PDZRN3: variants seen among roughly 807,000 people sequenced by gnomAD.
PDZRN3 encodes the protein PDZ domain containing ring finger 3.
Under a neutral mutation model 85.7 loss-of-function variants are expected in PDZRN3, and 38 were observed. The ratio of observed to expected loss-of-function variants is 0.44; its 90% CI spans 0.34 to 0.58. The LOEUF is 0.58. Among genes scored for constraint, PDZRN3 ranks in the 20% least tolerant of loss-of-function variants. PDZRN3 has a pLI of 0.01. For synonymous variants in PDZRN3, 759 were observed against 638.0 expected (o/e 1.19, Z -2.86); for missense variants, 1,629 against 1,506.4 (o/e 1.08, Z -1.35).
At chr3:73,391,343 T>G (rs1701523725) in intron 5 of PDZRN3, among the ~76,000 whole-genome samples, 1 of 152,220 alleles carries the variant, frequency 6.6e-6, no homozygotes, top group South Asian at 2.1e-4. Flanking sequence ...AAATAGTTAT[T>G]TCATTGATCC....
chr3:73,466,282 CA>C (rs1428108145), intron 3 of PDZRN3, among the ~76,000 whole-genome samples: 2 of 150,188 alleles, frequency 1.3e-5, no homozygotes, highest in African/African-American at 4.9e-5. Context: ...TCTCCCCAAA[CA>C]AATGCAGTTA....
chr3:73,600,680 G>C (rs1226636851), intron 3 of PDZRN3, among the ~76,000 whole-genome samples: 1 of 152,110 alleles, frequency 6.6e-6, no homozygotes, highest in East Asian at 1.9e-4. Flanking sequence ...CCCAGCTGTA[G>C]ATTTCTCATT....
intron 3 of PDZRN3, among the ~76,000 whole-genome samples, chr3:73,565,117 A>ATTTTTT (rs202184460): frequency 7.2e-6 from 1 of 138,946 alleles, no homozygotes; most frequent in Non-Finnish European, 1.5e-5. Context: ...ATATCCACCA[A>ATTTTTT]TTTTTTTTTT....
At chr3:73,494,717 T>A (rs966237113) in intron 3 of PDZRN3, among the ~76,000 whole-genome samples, 7 of 152,250 alleles carry the variant, frequency 4.6e-5, no homozygotes, top group African/African-American at 1.7e-4. Flanking sequence ...TGCCTGCCTA[T>A]GATCTTTTTC....
intron 3 of PDZRN3, chr3:73,569,125 C>T: frequency 8.0e-7 from 1 of 1,256,738 alleles, no homozygotes; most frequent in Non-Finnish European, 1.0e-6. Context: ...CTAAATCACA[C>T]ACCCCTTTTC....
intron 3 of PDZRN3, among the ~76,000 whole-genome samples, chr3:73,499,474 C>G (rs775271926): frequency 6.6e-6 from 1 of 152,120 alleles, no homozygotes. Context: ...GTCCTTACAC[C>G]AACTCACCAC....
chr3:73,479,570 TTG>T (rs1703522359), intron 3 of PDZRN3, among the ~76,000 whole-genome samples: 1 of 152,190 alleles, frequency 6.6e-6, no homozygotes, highest in Admixed American at 6.5e-5. Context: ...CAATCACGAT[TTG>T]TGCTGGCACA....
intron 3 of PDZRN3, among the ~76,000 whole-genome samples, chr3:73,463,328 T>C (rs895757242): frequency 2.6e-5 from 4 of 152,192 alleles, no homozygotes; most frequent in South Asian, 2.1e-4. Flanking sequence ...GGTTACTTAC[T>C]CTGAAAAGGT....
chr3:73,540,278 G>C (rs1037478127), intron 3 of PDZRN3, among the ~76,000 whole-genome samples: 9 of 151,962 alleles, frequency 5.9e-5, no homozygotes, highest in Non-Finnish European at 1.3e-4. Context: ...TTATGAATGG[G>C]TATTTCACAT....
chr3:73,575,402 A>G (rs1198166105), intron 3 of PDZRN3, among the ~76,000 whole-genome samples: 2 of 152,168 alleles, frequency 1.3e-5, no homozygotes, highest in African/African-American at 4.8e-5. Flanking sequence ...AGCTCAGTGA[A>G]GCACCACACA....
intron 3 of PDZRN3, among the ~76,000 whole-genome samples, chr3:73,460,400 G>C (rs996695216): frequency 3.9e-5 from 6 of 152,114 alleles, no homozygotes; most frequent in African/African-American, 1.4e-4. Flanking sequence ...AGTCAGTACA[G>C]ACCCAATCAG....
rs1170059452 is a variant in PDZRN3 at position 73,384,476 on chromosome 3, A to T, written c.2090T>A (p.Leu697Gln). 6.2e-7 allele frequency: 1 copy of T among 1,613,370 alleles called. No homozygotes were observed. Among genetic ancestry groups the T allele is most frequent in the East Asian group, 2.2e-5 (1 of 44,872 alleles). The change falls in exon 10 of 10, where the codon CTG (leucine) becomes CAG (glutamine). Residue 697 changes from leucine to glutamine, a missense_variant. Transcript: ENST00000263666. Reference sequence around the variant, plus strand: ...GGCGCGCACGATGCTCAGGCACTCCAGCTCGATGCTGCGCAGCTCTTCGTT... The same window carrying T: ...GGCGCGCACGATGCTCAGGCACTCCTGCTCGATGCTGCGCAGCTCTTCGTT... ...LLNEELRSIE[L>Q]ECLSIVRAHK...
chr3:73,544,234 T>C (rs1314316045), intron 3 of PDZRN3, among the ~76,000 whole-genome samples: 1 of 152,234 alleles, frequency 6.6e-6, no homozygotes, highest in African/African-American at 2.4e-5. Flanking sequence ...TAAAGTTTTG[T>C]GTGCTTATCC....
chr3:73,427,669 G>T (rs1702345321), intron 3 of PDZRN3, among the ~76,000 whole-genome samples: 1 of 152,194 alleles, frequency 6.6e-6, no homozygotes, highest in Non-Finnish European at 1.5e-5. Context: ...AGAGACCAGG[G>T]ATATGGACTC....
intron 3 of PDZRN3, among the ~76,000 whole-genome samples, chr3:73,458,800 G>A (rs1186047672): frequency 6.6e-6 from 1 of 151,550 alleles, no homozygotes. Context: ...GACCAGCATG[G>A]CCAATATGGT....
intron 3 of PDZRN3, among the ~76,000 whole-genome samples, chr3:73,539,824 T>C (rs1704872596): frequency 6.6e-6 from 1 of 152,108 alleles, no homozygotes; most frequent in Non-Finnish European, 1.5e-5. Flanking sequence ...TTATTCCTGC[T>C]AGGTATAGCT....
intron 3 of PDZRN3, among the ~76,000 whole-genome samples, chr3:73,600,520 T>A (rs548845551): frequency 6.6e-6 from 1 of 152,266 alleles, no homozygotes; most frequent in East Asian, 1.9e-4. Context: ...CAATTATACA[T>A]ATATCGTTTC....
At chr3:73,533,469 T>A (rs773859298) in intron 3 of PDZRN3, among the ~76,000 whole-genome samples, 11 of 152,222 alleles carry the variant, frequency 7.2e-5, no homozygotes, top group Admixed American at 1.3e-4. Context: ...ATCTTTTTTT[T>A]ATTTTGAACT....
rs143163268 is a variant in PDZRN3 at position 73,444,059 on chromosome 3, A to G, written c.919-39664T>C. Among the ~76,000 whole-genome samples the G allele has an allele frequency of 3.3e-5, 5 of 152,226 alleles. No individual in the cohort carries two copies. The East Asian group carries it at 9.7e-4, about 29-fold the overall frequency. On this transcript the variant is annotated intron_variant, in intron 3 of 9. Coordinates refer to ENST00000263666, the MANE Select transcript of PDZRN3 (RefSeq NM_015009.3). Reference sequence around the variant, plus strand: ...TGACCTTTCCCACATCTGTCTCATCAGCCTTTCCTATCTGTCTCCTGCTAT... The same window carrying G: ...TGACCTTTCCCACATCTGTCTCATCGGCCTTTCCTATCTGTCTCCTGCTAT...
Sources: gnomAD v4.1 joint callset for allele counts (sites outside exome capture counted in the v4.1 genomes callset) on GRCh38, gnomAD v4.1.1 for gene constraint, MANE v1.5 for transcripts, NCBI Gene and HGNC (gene_info 2026-07-23, HGNC 2026-07-21) for gene names.